RAD18: variants seen among roughly 807,000 people sequenced by gnomAD.
The protein encoded by RAD18 is E3 ubiquitin-protein ligase RAD18.
RAD18 carries 47 observed loss-of-function variants against 60.4 expected under a neutral mutation model. The ratio of observed to expected loss-of-function variants is 0.78; its 90% CI spans 0.62 to 0.99. RAD18 has a LOEUF of 0.99. Among genes scored for constraint, RAD18 ranks in the 50% least tolerant of loss-of-function variants. The pLI, the probability that RAD18 is intolerant of heterozygous loss-of-function variation, is 0.00. For synonymous variants in RAD18, 225 were observed against 195.5 expected (o/e 1.15, Z -1.26); for missense variants, 640 against 593.3 (o/e 1.08, Z -0.82).
intron 12 of RAD18, among the ~76,000 whole-genome samples, chr3:8,885,273 G>A (rs1206124890): frequency 6.6e-6 from 1 of 152,028 alleles, no homozygotes; most frequent in Non-Finnish European, 1.5e-5. Flanking sequence ...TTTTAAAGAT[G>A]GGATTCACTG....
intron 11 of RAD18, among the ~76,000 whole-genome samples, chr3:8,894,228 AAC>A (rs1939746611): frequency 6.6e-6 from 1 of 152,200 alleles, no homozygotes; most frequent in African/African-American, 2.4e-5. Context: ...CACAAACATC[AAC>A]ACAGTTCTGG....
At chr3:8,947,128 T>C (rs1341259481) in intron 4 of RAD18, 92 bp downstream of exon 4, 1 of 959,666 alleles carries the variant, frequency 1.0e-6, no homozygotes, top group East Asian at 2.5e-5. Context: ...TATGCAACCC[T>C]GCATTCCCTA....
In RAD18 at chr3:8,953,229, T is replaced by C. The variant is rs144594342; in HGVS notation, c.134-4659A>G. 6.3e-3 allele frequency among the ~76,000 whole-genome samples: 954 copies of C among 150,826 alleles called. 4 individuals carry two copies. Among genetic ancestry groups the C allele is most frequent in the African/African-American group, 0.022 (921 of 41,258 alleles). ...AATATAGTGTATACATTATTATATATGTAATTGTACCTATATAAGTATACA... is the reference window on the plus strand; with the variant it reads ...AATATAGTGTATACATTATTATATACGTAATTGTACCTATATAAGTATACA... On this transcript the variant is annotated intron_variant, in intron 2 of 12. Transcript: ENST00000264926.
At chr3:8,921,412 G>C (rs1012135988) in intron 7 of RAD18, among the ~76,000 whole-genome samples, 7 of 152,122 alleles carry the variant, frequency 4.6e-5, no homozygotes, top group African/African-American at 1.7e-4. Context: ...TGCACTTTGG[G>C]GGGCTAAAGC....
At chr3:8,938,797 C>T (rs935768631) in intron 6 of RAD18, among the ~76,000 whole-genome samples, 5 of 152,194 alleles carry the variant, frequency 3.3e-5, no homozygotes, top group African/African-American at 1.2e-4. Context: ...TCATCTTTCT[C>T]CCTTCATCAC....
chr3:8,949,939 T>C (rs1384369990), intron 2 of RAD18, among the ~76,000 whole-genome samples: 1 of 152,164 alleles, frequency 6.6e-6, no homozygotes, highest in African/African-American at 2.4e-5. Flanking sequence ...TCACAGTGAA[T>C]ATTGGAGAAA....
At chr3:8,896,800 C>T (rs1939793632) in intron 11 of RAD18, among the ~76,000 whole-genome samples, 1 of 152,068 alleles carries the variant, frequency 6.6e-6, no homozygotes, top group African/African-American at 2.4e-5. Flanking sequence ...TCCTGGCATG[C>T]CACAGAAATA....
chr3:8,935,424 T>C (rs893462821), intron 7 of RAD18, among the ~76,000 whole-genome samples: 7 of 152,266 alleles, frequency 4.6e-5, no homozygotes, highest in Non-Finnish European at 8.8e-5. Context: ...GGTACTGTGT[T>C]AGGCACTTTT....
At chr3:8,939,717 C>T in intron 5 of RAD18, 64 bp from the exon 6 acceptor site, 1 of 1,339,840 alleles carries the variant, frequency 7.5e-7, no homozygotes, top group South Asian at 1.3e-5. Flanking sequence ...AGTATGTAAA[C>T]TGGCATCTTT....
chr3:8,936,344 T>C (rs1190007214), intron 6 of RAD18, among the ~76,000 whole-genome samples: 1 of 152,206 alleles, frequency 6.6e-6, no homozygotes, highest in African/African-American at 2.4e-5. Context: ...AGAAGACATA[T>C]ATGTAACGCT....
At chr3:8,884,836 C>T (rs1004604644) in intron 12 of RAD18, among the ~76,000 whole-genome samples, 1 of 152,140 alleles carries the variant, frequency 6.6e-6, no homozygotes, top group East Asian at 1.9e-4. Flanking sequence ...TAACCCAGCC[C>T]ACATTTTTTT....
chr3:8,885,926 T>C (rs1939554611), intron 12 of RAD18, among the ~76,000 whole-genome samples: 1 of 152,188 alleles, frequency 6.6e-6, no homozygotes, highest in African/African-American at 2.4e-5. Context: ...AACCAGTCCA[T>C]GGTCAGTGGT....
intron 2 of RAD18, among the ~76,000 whole-genome samples, chr3:8,953,465 C>T (rs1440148664): frequency 6.6e-6 from 1 of 152,028 alleles, no homozygotes; most frequent in Non-Finnish European, 1.5e-5. Flanking sequence ...TAGACTACTA[C>T]CAAATATGTA....
rs1423252793 is a variant in RAD18 at position 8,890,385 on chromosome 3, T to A, written c.1385+4A>T. ...ATGCTTATTTCATGATTATGAGAAC[T>A]CACTTATGTGATGCTTCCCAGGCTT... On this transcript the variant is annotated splice_donor_region_variant and intron_variant, in intron 12 of 12. Coordinates refer to ENST00000264926, the MANE Select transcript of RAD18 (RefSeq NM_020165.4). The A allele has an allele frequency of 2.5e-6, 4 of 1,571,454 alleles. No homozygotes were observed. The highest frequency in any genetic ancestry group is 3.5e-6 in the Non-Finnish European group (4 of 1,141,506).
chr3:8,938,724 C>T (rs189070392), intron 6 of RAD18, among the ~76,000 whole-genome samples: 2 of 152,256 alleles, frequency 1.3e-5, no homozygotes, highest in Admixed American at 1.3e-4. Flanking sequence ...GGCTTAAACT[C>T]CTATTTTTAA....
intron 12 of RAD18, among the ~76,000 whole-genome samples, chr3:8,886,045 A>T (rs1340049966): frequency 6.6e-6 from 1 of 152,192 alleles, no homozygotes; most frequent in Non-Finnish European, 1.5e-5. Flanking sequence ...AGTTGTATAG[A>T]TGTGCTACAA....
intron 2 of RAD18, among the ~76,000 whole-genome samples, chr3:8,957,746 C>T (rs1941036135): frequency 6.6e-6 from 1 of 152,066 alleles, no homozygotes; most frequent in Admixed American, 6.6e-5. Flanking sequence ...CAGAAATAGA[C>T]TACAGATGGC....
At chr3:8,930,538 G>A (rs629875) in intron 7 of RAD18, among the ~76,000 whole-genome samples, 103,912 of 151,944 alleles carry the variant, frequency 0.68, 36,104 homozygotes, top group Middle Eastern at 0.77. Flanking sequence ...ACTTCAGGTG[G>A]GTATGAATTA....
rs1939456474 is a variant in RAD18, at chr3:8,881,236, T to C, written c.*121A>G. 1 of 798,008 alleles carries C rather than the reference T, an allele frequency of 1.3e-6. No homozygotes were observed. The highest frequency in any genetic ancestry group is 1.8e-5 in the South Asian group (1 of 54,774). 49.4% of individuals were successfully genotyped at this position (798,008 alleles called of 1,614,324 possible). ...AAAGCAGAAAAGAATGAATATCAGC[T>C]AACCGTAATATTTAGAATTTAGCAT... is the stretch of plus-strand genomic sequence containing the variant. On this transcript the variant is annotated 3_prime_UTR_variant, in exon 13 of 13. Transcript: ENST00000264926.
Sources: allele counts gnomAD v4.1 joint callset (sites outside exome capture counted in the v4.1 genomes callset), GRCh38; gene constraint gnomAD v4.1.1; transcripts MANE v1.5; gene names NCBI Gene and HGNC (gene_info 2026-07-23, HGNC 2026-07-21).